Variants in RBMS1 observed in about 807,000 individuals in gnomAD.
RBMS1 encodes the protein RNA binding motif single stranded interacting protein 1, also known as RNA-binding motif, single-stranded-interacting protein 1.
RBMS1 carries 17 observed loss-of-function variants against 62.3 expected under a neutral mutation model. That is an observed-to-expected ratio of 0.27 (90% confidence interval 0.19 to 0.41). The LOEUF (loss-of-function observed/expected upper bound fraction) is 0.41, where lower values mean the gene tolerates loss of function less well. RBMS1 is among the 10% of genes least tolerant of loss of function. The pLI, the probability that RBMS1 is intolerant of heterozygous loss-of-function variation, is 1.00. For missense variants in RBMS1, 334 were observed against 504.5 expected (o/e 0.66, Z 3.24); for synonymous variants, 172 against 170.0 (o/e 1.01, Z -0.09).
At chr2:160,470,559 A>G (rs1281775201) in intron 1 of RBMS1, among the ~76,000 whole-genome samples, 1 of 152,226 alleles carries the variant, frequency 6.6e-6, no homozygotes, top group Non-Finnish European at 1.5e-5. Context: ...ACCTGCCAGG[A>G]AATTCCTACA....
At chr2:160,383,514 A>T (rs530822835) in intron 1 of RBMS1, among the ~76,000 whole-genome samples, 1 of 152,258 alleles carries the variant, frequency 6.6e-6, no homozygotes, top group East Asian at 1.9e-4. Flanking sequence ...TATTTTTAAA[A>T]AATAGACAAA....
chr2:160,277,808 C>T (rs997704247), intron 11 of RBMS1: 1 of 159,568 alleles, frequency 6.3e-6, no homozygotes, highest in Non-Finnish European at 1.4e-5. Flanking sequence ...CTTATTAGAC[C>T]TCTAACAGGT....
chr2:160,452,252 C>T (rs1000578580), intron 1 of RBMS1, among the ~76,000 whole-genome samples: 2 of 152,040 alleles, frequency 1.3e-5, no homozygotes, highest in African/African-American at 4.8e-5. Flanking sequence ...CCCAGGAAAT[C>T]CCAAAGTCCT....
intron 1 of RBMS1, among the ~76,000 whole-genome samples, chr2:160,430,189 C>A (rs934178503): frequency 6.6e-6 from 1 of 152,186 alleles, no homozygotes; most frequent in African/African-American, 2.4e-5. Context: ...AGCAGAAGAG[C>A]CACCCAGCTG....
At chr2:160,318,009 T>C (rs551665597) in intron 3 of RBMS1, among the ~76,000 whole-genome samples, 160 bp downstream of exon 3, 1 of 151,956 alleles carries the variant, frequency 6.6e-6, no homozygotes, top group African/African-American at 2.4e-5. Flanking sequence ...CAGGGACAAA[T>C]GTAAGTAATA....
At chr2:160,377,090 GT>G (rs138453540) in intron 1 of RBMS1, among the ~76,000 whole-genome samples, 19 of 148,308 alleles carry the variant, frequency 1.3e-4, no homozygotes, top group South Asian at 2.1e-4. Context: ...GGCTTGCTGG[GT>G]TTTTTTTTTA....
chr2:160,377,689 T>A (rs1428946349), intron 1 of RBMS1, among the ~76,000 whole-genome samples: 2 of 152,172 alleles, frequency 1.3e-5, no homozygotes, highest in African/African-American at 4.8e-5. Flanking sequence ...ACTAGAAGTA[T>A]AAGGAAATCT....
chr2:160,358,062 G>A (rs145872566), intron 2 of RBMS1, among the ~76,000 whole-genome samples: 235 of 152,234 alleles, frequency 1.5e-3, no homozygotes, highest in African/African-American at 4.9e-3. Context: ...CAACTAACAT[G>A]AAAAAGAAAA....
chr2:160,419,478 C>G (rs1044715848), intron 1 of RBMS1, among the ~76,000 whole-genome samples: 1 of 152,068 alleles, frequency 6.6e-6, no homozygotes, highest in Non-Finnish European at 1.5e-5. Flanking sequence ...TCTTGTAGTT[C>G]AAAATCATAT....
chr2:160,355,744 C>G (rs933465668), intron 2 of RBMS1, among the ~76,000 whole-genome samples: 3 of 152,038 alleles, frequency 2.0e-5, no homozygotes, highest in African/African-American at 7.2e-5. Context: ...CATTCAAATG[C>G]CAAACTTTGC....
At chr2:160,486,416 C>A (rs1213075496) in intron 1 of RBMS1, among the ~76,000 whole-genome samples, 1 of 152,108 alleles carries the variant, frequency 6.6e-6, no homozygotes, top group Non-Finnish European at 1.5e-5. Context: ...TGAAATGGGT[C>A]TGGGAAGATG....
chr2:160,450,582 A>C (rs1489734567), intron 1 of RBMS1, among the ~76,000 whole-genome samples: 1 of 150,502 alleles, frequency 6.6e-6, no homozygotes, highest in African/African-American at 2.4e-5. Flanking sequence ...AAAAAAAACA[A>C]AAAACATTAA....
intron 1 of RBMS1, among the ~76,000 whole-genome samples, chr2:160,375,506 T>C (rs1174241688): frequency 6.6e-6 from 1 of 152,182 alleles, no homozygotes; most frequent in Non-Finnish European, 1.5e-5. Flanking sequence ...ATAACCATAG[T>C]AACTTAAGAT....
intron 4 of RBMS1, 97 bp downstream of exon 4, chr2:160,313,059 G>A (rs1039566400): frequency 2.8e-5 from 32 of 1,161,288 alleles, no homozygotes; most frequent in Admixed American, 1.7e-4. Flanking sequence ...TGAGTGGGAT[G>A]AAGGGGAGAT....
intron 2 of RBMS1, among the ~76,000 whole-genome samples, chr2:160,332,216 T>C (rs1691314750): frequency 6.6e-6 from 1 of 152,168 alleles, no homozygotes. Flanking sequence ...GGACTGGACT[T>C]CTTGTTGATA....
chr2:160,372,001 AACC>A (rs930616109), intron 1 of RBMS1, among the ~76,000 whole-genome samples: 1 of 152,234 alleles, frequency 6.6e-6, no homozygotes, highest in Non-Finnish European at 1.5e-5. Flanking sequence ...TTACAAAATT[AACC>A]ACATGTGAAC....
At chr2:160,353,077 G>T (rs1039074652) in intron 2 of RBMS1, among the ~76,000 whole-genome samples, 3 of 152,014 alleles carry the variant, frequency 2.0e-5, no homozygotes, top group South Asian at 4.1e-4. Context: ...ACAAAATACA[G>T]AAATAAATTA....
chr2:160,299,191 A>G (rs1689088293), intron 6 of RBMS1, among the ~76,000 whole-genome samples: 1 of 152,198 alleles, frequency 6.6e-6, no homozygotes, highest in South Asian at 2.1e-4. Flanking sequence ...CATAAATGGG[A>G]AGTAAGGAAG....
intron 1 of RBMS1, among the ~76,000 whole-genome samples, chr2:160,445,036 C>T (rs531569273): frequency 4.6e-5 from 7 of 152,248 alleles, no homozygotes; most frequent in African/African-American, 1.7e-4. Context: ...TGGAAATTTC[C>T]CTTCCCAGAG....
Sources: allele counts gnomAD v4.1 joint callset (sites outside exome capture counted in the v4.1 genomes callset), GRCh38; gene constraint gnomAD v4.1.1; transcripts MANE v1.5; gene names NCBI Gene and HGNC (gene_info 2026-07-23, HGNC 2026-07-21).